Variants in SLC7A14 observed in about 807,000 individuals in gnomAD.
SLC7A14 encodes the protein solute carrier family 7 member 14.
In SLC7A14, 37 loss-of-function variants were observed where a neutral mutation model predicts 60.2. That is an observed-to-expected ratio of 0.61 (90% confidence interval 0.47 to 0.81). The LOEUF (loss-of-function observed/expected upper bound fraction) is 0.81, where lower values mean the gene tolerates loss of function less well. SLC7A14 is among the 30% of genes least tolerant of loss of function. SLC7A14 has a pLI of 0.00. For synonymous variants in SLC7A14, 399 were observed against 395.8 expected, an observed-to-expected ratio of 1.01 and a Z score of -0.10; for missense variants, 886 against 982.7, an observed-to-expected ratio of 0.90 and a Z score of 1.32.
chr3:170,553,094 G>T (rs527241558), intron 1 of SLC7A14, among the ~76,000 whole-genome samples: 1 of 150,870 alleles, frequency 6.6e-6, no homozygotes, highest in Non-Finnish European at 1.5e-5. Context: ...GTGCCTTTTG[G>T]GGGGAGTTTC....
At chr3:170,496,164 G>C (rs1427070192) in intron 4 of SLC7A14, 10 of 912,100 alleles carry the variant, frequency 1.1e-5, no homozygotes, top group Non-Finnish European at 1.8e-5. Flanking sequence ...CACGTCTGCG[G>C]TGCTGTCCAT....
At chr3:170,583,052 T>C (rs1217453632) in intron 1 of SLC7A14, among the ~76,000 whole-genome samples, 1 of 152,348 alleles carries the variant, frequency 6.6e-6, no homozygotes, top group East Asian at 1.9e-4. Context: ...ATATTAGCAC[T>C]TATAATGATC....
intron 1 of SLC7A14, among the ~76,000 whole-genome samples, chr3:170,538,088 T>C (rs912252841): frequency 6.6e-6 from 1 of 152,228 alleles, no homozygotes; most frequent in African/African-American, 2.4e-5. Flanking sequence ...TAAATGAACT[T>C]GTTCACATTA....
At chr3:170,501,971 C>A (rs899467393) in intron 2 of SLC7A14, among the ~76,000 whole-genome samples, 12 of 152,216 alleles carry the variant, frequency 7.9e-5, no homozygotes, top group Non-Finnish European at 1.5e-4. Context: ...ATGGCATATG[C>A]CCCTGCCCTT....
At position 170,526,857 on chromosome 3, in the gene SLC7A14, A is replaced by G. The variant is rs767658354; in HGVS notation, c.80T>C (p.Leu27Pro). The G allele has an allele frequency of 9.3e-6, 15 of 1,614,110 alleles. No homozygotes were observed. Among genetic ancestry groups the G allele is most frequent in the Non-Finnish European group, 1.3e-5 (15 of 1,180,000 alleles). The change falls in exon 2 of 8, where the codon CTA (leucine) becomes CCA (proline). Residue 27 changes from leucine (L) to proline (P), a missense_variant. Leu to Pro is a moderately conservative substitution (Grantham distance 98). Coordinates refer to ENST00000231706, the MANE Select transcript of SLC7A14 (RefSeq NM_020949.3). ...AAWYAMHSRI[L>P]RTKPVESMLE... ...CATGGACTCCACTGGTTTGGTGCGT[A>G]GGATCCTGGAGTGCATTGCATACCA...
chr3:170,525,812 G>T (rs79752177), intron 2 of SLC7A14, among the ~76,000 whole-genome samples: 10,007 of 152,244 alleles, frequency 0.066, 392 homozygotes, highest in South Asian at 0.092. Context: ...CTCAGCACTT[G>T]CCGCGGCCGA....
intron 2 of SLC7A14, among the ~76,000 whole-genome samples, chr3:170,507,566 C>T (rs995411997): frequency 1.3e-4 from 19 of 151,792 alleles, no homozygotes; most frequent in African/African-American, 2.7e-4. Context: ...TTCAGGCAGG[C>T]GAAAAGGTGT....
intron 1 of SLC7A14, among the ~76,000 whole-genome samples, chr3:170,572,460 T>C (rs1051238782): frequency 2.0e-5 from 3 of 152,254 alleles, no homozygotes; most frequent in African/African-American, 7.2e-5. Context: ...TATTATGATA[T>C]AGCTGTCAAA....
At chr3:170,529,150 C>A (rs1048276841) in intron 1 of SLC7A14, among the ~76,000 whole-genome samples, 1 of 152,152 alleles carries the variant, frequency 6.6e-6, no homozygotes, top group African/African-American at 2.4e-5. Context: ...ACAATATAAA[C>A]AACAAAGAAC....
At chr3:170,468,196 T>C (rs575886726) in intron 7 of SLC7A14, among the ~76,000 whole-genome samples, 1 of 152,342 alleles carries the variant, frequency 6.6e-6, no homozygotes, top group South Asian at 2.1e-4. Context: ...GGAAAGAAAC[T>C]TGCCCCCCTC....
In SLC7A14 at chr3:170,501,361, A is replaced by G. The variant is rs746101524; in HGVS notation, c.305-16T>C. On this transcript the variant is annotated splice_polypyrimidine_tract_variant and intron_variant, in intron 2 of 7. Transcript: ENST00000231706. ...TAGCAGACGCCTGCAAGGGACAGAC[A>G]TACACAGATGGTGGACTTCAGGAGA... 9.3e-6 allele frequency: 15 copies of G among 1,607,698 alleles called. No individual in the cohort carries two copies. Among genetic ancestry groups the G allele is most frequent in the Non-Finnish European group, 8.5e-7 (1 of 1,174,296 alleles).
intron 4 of SLC7A14, among the ~76,000 whole-genome samples, chr3:170,490,775 C>A (rs1299782052): frequency 6.6e-6 from 1 of 152,176 alleles, no homozygotes; most frequent in Non-Finnish European, 1.5e-5. Context: ...AGTTCTTAAC[C>A]TCTTGGAGCC....
chr3:170,496,333 GGT>G, intron 4 of SLC7A14: 1 of 1,102,144 alleles, frequency 9.1e-7, no homozygotes, highest in Non-Finnish European at 1.4e-6. Flanking sequence ...GATGACCTGC[GGT>G]GTACAAAGAC....
intron 7 of SLC7A14, among the ~76,000 whole-genome samples, chr3:170,475,289 A>C (rs1364450496): frequency 6.6e-6 from 1 of 152,214 alleles, no homozygotes; most frequent in East Asian, 1.9e-4. Context: ...AGCTTGGATA[A>C]AAAAATGTGT....
chr3:170,486,465 A>T, intron 4 of SLC7A14, 97 bp from the exon 5 acceptor site: 4 of 1,488,826 alleles, frequency 2.7e-6, no homozygotes, highest in Non-Finnish European at 3.7e-6. Flanking sequence ...TGCAGACATG[A>T]CTGAGTGGCT....
intron 1 of SLC7A14, among the ~76,000 whole-genome samples, chr3:170,536,583 A>G (rs1048560225): frequency 6.6e-6 from 1 of 152,232 alleles, no homozygotes. Context: ...AGAGCACACT[A>G]TCATACCATG....
intron 2 of SLC7A14, among the ~76,000 whole-genome samples, chr3:170,513,230 G>A (rs1028531519): frequency 1.3e-5 from 2 of 151,958 alleles, no homozygotes; most frequent in Non-Finnish European, 2.9e-5. Flanking sequence ...GCCCTTGGCT[G>A]AGCTTATAGT....
rs533395790 is a variant in SLC7A14 at position 170,459,815 on chromosome 3, G to T, written c.*7240C>A. 6.6e-5 allele frequency: 10 copies of T among 152,000 alleles called. No individual in the cohort carries two copies. The highest frequency in any genetic ancestry group is 4.6e-4 in the Admixed American group (7 of 15,284). The allele number at this position is 152,000 out of a possible 1,614,324, so 9.4% of individuals were successfully genotyped here. A position where few individuals can be genotyped will look rare whatever the true frequency, so the allele number is the denominator to read the frequency against. On this transcript the variant is annotated 3_prime_UTR_variant, in exon 8 of 8. Coordinates refer to ENST00000231706, the MANE Select transcript of SLC7A14 (RefSeq NM_020949.3). ...TTCTTTCTTTTTTTTTGGTAGTCTC[G>T]TGTAAAAGCTTTACATTACTATGGA...
intron 1 of SLC7A14, among the ~76,000 whole-genome samples, chr3:170,552,793 A>G (rs1165585029): frequency 6.6e-6 from 1 of 152,172 alleles, no homozygotes; most frequent in East Asian, 1.9e-4. Context: ...TAAAATAGGA[A>G]ACTGTCCAGG....
Sources: allele counts gnomAD v4.1 joint callset (sites outside exome capture counted in the v4.1 genomes callset), GRCh38; gene constraint gnomAD v4.1.1; transcripts MANE v1.5; gene names NCBI Gene and HGNC (gene_info 2026-07-23, HGNC 2026-07-21).